ARID2: variants seen among roughly 807,000 people sequenced by gnomAD.
ARID2 encodes the protein AT-rich interaction domain 2.
Under a neutral mutation model 184.6 loss-of-function variants are expected in ARID2, and 32 were observed. That is an observed-to-expected ratio of 0.17 (90% CI 0.13 to 0.23). The LOEUF (loss-of-function observed/expected upper bound fraction) is 0.23. Among genes scored for constraint, ARID2 ranks in the 10% least tolerant of loss-of-function variants. The probability of loss-of-function intolerance (pLI) is 1.00; values close to 1 mark genes in which losing one functional copy is unlikely to be tolerated. For missense variants in ARID2, 1,696 were observed against 2,197.6 expected (o/e 0.77, Z 4.56); for synonymous variants, 836 against 772.6 (o/e 1.08, Z -1.36).
At chr12:45,882,997 A>G (rs1944129225) in intron 16 of ARID2, among the ~76,000 whole-genome samples, 1 of 152,228 alleles carries the variant, frequency 6.6e-6, no homozygotes, top group African/African-American at 2.4e-5. Flanking sequence ...CAGGATAACA[A>G]GTTGTCGTCA....
rs1404300834 is a variant in ARID2 at position 45,734,255 on chromosome 12, G to C, written c.284+2941G>C. 2.6e-5 allele frequency among the ~76,000 whole-genome samples: 4 copies of C among 152,192 alleles called. No individual in the cohort carries two copies. In the East Asian group the frequency reaches 7.7e-4, roughly 29 times the overall value. ...ATGGTGGCTCATGCCTGTAATCCCA[G>C]CTACTTGGGAGGCTGATGCAGGAGA... On this transcript the variant is annotated intron_variant, in intron 3 of 20. Transcript: ENST00000334344.
chr12:45,774,680 G>A (rs1207629042), intron 3 of ARID2, among the ~76,000 whole-genome samples: 1 of 152,082 alleles, frequency 6.6e-6, no homozygotes, highest in Admixed American at 6.6e-5. Context: ...AAACGTTTTT[G>A]TTAACTATTA....
intron 3 of ARID2, among the ~76,000 whole-genome samples, chr12:45,784,193 A>T (rs1301623914): frequency 6.6e-6 from 1 of 151,708 alleles, no homozygotes; most frequent in East Asian, 1.9e-4. Flanking sequence ...TTATTTAGTT[A>T]TTTATTTTTA....
intron 3 of ARID2, among the ~76,000 whole-genome samples, chr12:45,758,607 A>T (rs1941614835): frequency 6.6e-6 from 1 of 152,190 alleles, no homozygotes; most frequent in South Asian, 2.1e-4. Flanking sequence ...TTTCTCTCTG[A>T]TATAACAGTC....
At chr12:45,773,591 TA>T (rs977574204) in intron 3 of ARID2, among the ~76,000 whole-genome samples, 6 of 151,628 alleles carry the variant, frequency 4.0e-5, no homozygotes, top group Admixed American at 1.3e-4. Flanking sequence ...AAAAGGAGTG[TA>T]AAGGAATAGT....
intron 3 of ARID2, among the ~76,000 whole-genome samples, chr12:45,790,935 C>T (rs879653539): frequency 1.8e-4 from 27 of 152,108 alleles, no homozygotes; most frequent in Admixed American, 3.3e-4. Flanking sequence ...TCTATTTATT[C>T]GTCAGTGGAC....
intron 15 of ARID2, among the ~76,000 whole-genome samples, chr12:45,859,282 C>T (rs368455114): frequency 6.6e-5 from 10 of 152,232 alleles, no homozygotes; most frequent in East Asian, 3.9e-4. Flanking sequence ...CTATAGTATT[C>T]GGTACAGTAA....
intron 6 of ARID2, among the ~76,000 whole-genome samples, chr12:45,825,939 A>G (rs1942990661): frequency 6.6e-6 from 1 of 152,044 alleles, no homozygotes; most frequent in Non-Finnish European, 1.5e-5. Flanking sequence ...TGTAGATTTT[A>G]GATGTTTAAA....
intron 6 of ARID2, among the ~76,000 whole-genome samples, chr12:45,831,409 G>C (rs534282319): frequency 6.6e-6 from 1 of 152,018 alleles, no homozygotes; most frequent in Non-Finnish European, 1.5e-5. Flanking sequence ...ATATGTAGTA[G>C]GTTCATATAT....
intron 3 of ARID2, among the ~76,000 whole-genome samples, chr12:45,772,867 A>G (rs928716355): frequency 6.6e-6 from 1 of 152,194 alleles, no homozygotes; most frequent in Non-Finnish European, 1.5e-5. Flanking sequence ...TCAACAAGGA[A>G]ATATAAGACT....
chr12:45,745,658 A>G (rs1413874065), intron 3 of ARID2, among the ~76,000 whole-genome samples: 1 of 152,062 alleles, frequency 6.6e-6, no homozygotes, highest in Non-Finnish European at 1.5e-5. Flanking sequence ...AGTGATTCTC[A>G]TGTTTCAGTC....
At chr12:45,789,660 G>A (rs1327249104) in intron 3 of ARID2, 1 of 152,030 alleles carries the variant, frequency 6.6e-6, no homozygotes, top group African/African-American at 2.4e-5. Flanking sequence ...CACTACAATG[G>A]ATTTGTCAAT....
At chr12:45,817,591 T>C in intron 4 of ARID2, 79 bp from the exon 5 acceptor site, 1 of 526,420 alleles carries the variant, frequency 1.9e-6, no homozygotes, top group Non-Finnish European at 3.1e-6. Context: ...TATTTAAAGC[T>C]GTGTTCTGTA....
chr12:45,808,732 C>CGTGTGTGT (rs1218516221), intron 3 of ARID2, among the ~76,000 whole-genome samples: 7 of 146,488 alleles, frequency 4.8e-5, no homozygotes, highest in African/African-American at 1.8e-4. Context: ...TGTGTGTTTG[C>CGTGTGTGT]GTGCGTGTGT....
intron 3 of ARID2, among the ~76,000 whole-genome samples, chr12:45,793,248 C>G (rs967195725): frequency 6.6e-6 from 1 of 151,744 alleles, no homozygotes; most frequent in Non-Finnish European, 1.5e-5. Context: ...TGCAGGGAGC[C>G]AAGATTGCAC....
intron 6 of ARID2, among the ~76,000 whole-genome samples, chr12:45,834,003 C>T (rs1943168626): frequency 6.6e-6 from 1 of 152,194 alleles, no homozygotes. Context: ...TTAGCAATCA[C>T]TATGATATCT....
intron 5 of ARID2, among the ~76,000 whole-genome samples, chr12:45,820,280 T>C (rs1017132960): frequency 1.3e-5 from 2 of 152,218 alleles, no homozygotes; most frequent in African/African-American, 4.8e-5. Flanking sequence ...AAATATAATT[T>C]ATGTTTAAAA....
intron 10 of ARID2, among the ~76,000 whole-genome samples, chr12:45,839,017 C>A (rs1943279107): frequency 6.6e-6 from 1 of 151,570 alleles, no homozygotes; most frequent in Admixed American, 6.6e-5. Flanking sequence ...AGGCACCATG[C>A]CCGGCTAATT....
At chr12:45,870,120 G>C (rs1010591365) in intron 16 of ARID2, among the ~76,000 whole-genome samples, 53 of 151,778 alleles carry the variant, frequency 3.5e-4, no homozygotes, top group Admixed American at 8.5e-4. Flanking sequence ...TGAGTAGCTG[G>C]GACTACAGGC....
Sources: gnomAD v4.1 joint callset for allele counts (sites outside exome capture counted in the v4.1 genomes callset) on GRCh38, gnomAD v4.1.1 for gene constraint, MANE v1.5 for transcripts, NCBI Gene and HGNC (gene_info 2026-07-23, HGNC 2026-07-21) for gene names.